XYLT1: variants seen among roughly 807,000 people sequenced by gnomAD.
XYLT1 encodes the protein beta-D-xylosyltransferase 1.
XYLT1 carries 36 observed loss-of-function variants against 91.3 expected under a neutral mutation model. The observed-to-expected ratio is 0.39, with a 90% CI of 0.30 to 0.52. The LOEUF is 0.52. Ranked by LOEUF, XYLT1 falls within the 20% of genes least tolerant of loss-of-function variation. The pLI, the probability that XYLT1 is intolerant of heterozygous loss-of-function variation, is 0.68. For synonymous variants in XYLT1, 588 were observed against 532.0 expected, an observed-to-expected ratio of 1.11 and a Z score of -1.45; for missense variants, 1,242 against 1,284.5, an observed-to-expected ratio of 0.97 and a Z score of 0.51.
chr16:17,250,048 T>C (rs1039923973), intron 3 of XYLT1: 2 of 152,258 alleles, frequency 1.3e-5, no homozygotes, highest in Non-Finnish European at 2.9e-5. Context: ...AAATAAATCA[T>C]AGAGTCATAT....
chr16:17,357,920 C>A, intron 2 of XYLT1, 92 bp downstream of exon 2: 3 of 1,410,152 alleles, frequency 2.1e-6, no homozygotes, highest in Non-Finnish European at 2.9e-6. Flanking sequence ...CAGCCATGGG[C>A]CTGTCCAGCC....
intron 5 of XYLT1, among the ~76,000 whole-genome samples, chr16:17,195,814 T>A (rs2032416471): frequency 6.6e-6 from 1 of 152,180 alleles, no homozygotes; most frequent in Admixed American, 6.5e-5. Context: ...TCTAACTCCA[T>A]CTTCTCAGCT....
chr16:17,289,321 C>T (rs571688265), intron 2 of XYLT1, among the ~76,000 whole-genome samples: 2 of 152,104 alleles, frequency 1.3e-5, no homozygotes, highest in Non-Finnish European at 2.9e-5. Context: ...TGTATCATCA[C>T]CATTTGTGCC....
intron 6 of XYLT1, among the ~76,000 whole-genome samples, chr16:17,142,731 T>C (rs912734962): frequency 6.6e-6 from 1 of 151,994 alleles, no homozygotes; most frequent in Non-Finnish European, 1.5e-5. Context: ...GTGTAAGCCA[T>C]TGCGCCTGGC....
intron 6 of XYLT1, among the ~76,000 whole-genome samples, chr16:17,154,855 T>C (rs1284665791): frequency 6.6e-6 from 1 of 152,158 alleles, no homozygotes; most frequent in African/African-American, 2.4e-5. Flanking sequence ...AGGAGCTACG[T>C]GGAATTAAAA....
At chr16:17,392,870 C>G (rs141650612) in intron 1 of XYLT1, among the ~76,000 whole-genome samples, 76 of 152,262 alleles carry the variant, frequency 5.0e-4, no homozygotes, top group African/African-American at 1.7e-3. Flanking sequence ...TTTACTTTAT[C>G]CCATGTAAAA....
At chr16:17,397,306 C>G (rs2035899699) in intron 1 of XYLT1, among the ~76,000 whole-genome samples, 1 of 152,198 alleles carries the variant, frequency 6.6e-6, no homozygotes, top group East Asian at 1.9e-4. Context: ...AATCCTACAG[C>G]AGGCATCACA....
chr16:17,151,173 C>T (rs563944725), intron 6 of XYLT1, among the ~76,000 whole-genome samples: 1 of 152,292 alleles, frequency 6.6e-6, no homozygotes, highest in South Asian at 2.1e-4. Flanking sequence ...CGCCTGTAAT[C>T]CCAGCACTTT....
intron 3 of XYLT1, among the ~76,000 whole-genome samples, chr16:17,247,882 A>T (rs948820792): frequency 1.3e-5 from 2 of 151,820 alleles, no homozygotes; most frequent in Non-Finnish European, 3.0e-5. Context: ...CAGGGCTAAG[A>T]ACTTGGGGGC....
intron 5 of XYLT1, among the ~76,000 whole-genome samples, chr16:17,169,944 C>T (rs368333913): frequency 3.5e-4 from 53 of 152,290 alleles, no homozygotes; most frequent in African/African-American, 1.1e-3. Flanking sequence ...AGCCAAGACA[C>T]GGCTACAAGG....
At position 17,214,123 on chromosome 16, in the gene XYLT1, G is replaced by A. The variant is rs116269572; in HGVS notation, c.914-13469C>T. ...CTTGCATTTCCCAGTGCCCCCTAGG[G>A]GACCAGCATGGTTTGAGAACCACTC... On this transcript the variant is annotated intron_variant, in intron 3 of 11. Coordinates refer to ENST00000261381, the MANE Select transcript of XYLT1 (RefSeq NM_022166.4). Among the ~76,000 whole-genome samples, 1,219 of 152,238 alleles carry A rather than the reference G, an allele frequency of 8.0e-3. 20 individuals carry two copies. Among genetic ancestry groups the A allele is most frequent in the African/African-American group, 0.028 (1,149 of 41,552 alleles).
intron 1 of XYLT1, among the ~76,000 whole-genome samples, chr16:17,450,224 G>A (rs1330783754): frequency 2.6e-5 from 4 of 152,256 alleles, no homozygotes; most frequent in Admixed American, 2.6e-4. Flanking sequence ...TGTAATCCCA[G>A]CTACTCAGGA....
In XYLT1 at chr16:17,259,061, A is replaced by T; in HGVS notation, c.840T>A (p.Ile280=). 2.0e-6 allele frequency: 3 copies of T among 1,521,612 alleles called. No individual in the cohort carries two copies. Among genetic ancestry groups the T allele is most frequent in the Non-Finnish European group, 2.6e-6 (3 of 1,135,720 alleles). The allele number at this position is 1,521,612 out of a possible 1,614,324, so 94.3% of individuals were successfully genotyped here. A position where few individuals can be genotyped will look rare whatever the true frequency, so the allele number is the denominator to read the frequency against. ...ACTTGTGGCGGCAGTAAGTCTCCCC[A>T]ATCTCCTGGCGGCAGTGCTTGGACT... ...RAKSKHCRQE[I]GETYCRHKLG... Residue 280 remains isoleucine, a synonymous_variant, in exon 3 of 12, where the codon ATT becomes ATA. Transcript: ENST00000261381.
intron 3 of XYLT1, among the ~76,000 whole-genome samples, chr16:17,213,240 C>A (rs2032795903): frequency 1.3e-5 from 2 of 152,172 alleles, no homozygotes; most frequent in Admixed American, 6.5e-5. Flanking sequence ...ATACCTACAT[C>A]CCCCTTTACC....
At chr16:17,186,299 C>T (rs1218111316) in intron 5 of XYLT1, among the ~76,000 whole-genome samples, 2 of 151,976 alleles carry the variant, frequency 1.3e-5, no homozygotes, top group African/African-American at 2.4e-5. Context: ...GACGGGGTTT[C>T]ACCATGTTGG....
At chr16:17,435,487 G>A (rs942216491) in intron 1 of XYLT1, among the ~76,000 whole-genome samples, 3 of 152,146 alleles carry the variant, frequency 2.0e-5, no homozygotes, top group African/African-American at 4.8e-5. Flanking sequence ...TGCAGTAAAC[G>A]AAGAAGTGTA....
At chr16:17,468,109 C>G (rs1455826520) in intron 1 of XYLT1, among the ~76,000 whole-genome samples, 1 of 152,132 alleles carries the variant, frequency 6.6e-6, no homozygotes, top group African/African-American at 2.4e-5. Context: ...CTATACCAGA[C>G]TTTGGGAACA....
chr16:17,125,359 T>G (rs111302380), intron 10 of XYLT1, among the ~76,000 whole-genome samples: 3 of 152,184 alleles, frequency 2.0e-5, no homozygotes, highest in African/African-American at 7.2e-5. Context: ...ATCCGCCATT[T>G]TCCCTCTATC....
intron 2 of XYLT1, among the ~76,000 whole-genome samples, chr16:17,299,425 G>A (rs952378856): frequency 2.6e-5 from 4 of 152,164 alleles, no homozygotes; most frequent in Non-Finnish European, 5.9e-5. Context: ...CCGTTAACCC[G>A]CTCTTCCTCA....
Sources: allele counts gnomAD v4.1 joint callset (sites outside exome capture counted in the v4.1 genomes callset), GRCh38; gene constraint gnomAD v4.1.1; transcripts MANE v1.5; gene names NCBI Gene and HGNC (gene_info 2026-07-23, HGNC 2026-07-21).